CD109: variants seen among roughly 807,000 people sequenced by gnomAD.
CD109 encodes CD109 molecule.
Under a neutral mutation model 165.8 loss-of-function variants are expected in CD109, and 149 were observed. The ratio of observed to expected loss-of-function variants is 0.90; its 90% CI spans 0.79 to 1.03. The LOEUF (loss-of-function observed/expected upper bound fraction) is 1.03, where lower values mean the gene tolerates loss of function less well. Among genes scored for constraint, CD109 ranks in the 50% least tolerant of loss-of-function variants. The probability of loss-of-function intolerance (pLI) is 0.00; values close to 1 mark genes in which losing one functional copy is unlikely to be tolerated. For missense variants in CD109, 1,712 were observed against 1,677.8 expected (o/e 1.02, Z -0.36); for synonymous variants, 585 against 592.1 (o/e 0.99, Z 0.18).
Position 73,709,873 on chromosome 6 carries a change from C to T in CD109, c.247+12301C>T, listed in dbSNP as rs541908981. Among the ~76,000 whole-genome samples the T allele has an allele frequency of 3.9e-5, 6 of 152,214 alleles. No homozygotes were observed. In the South Asian group the frequency reaches 8.3e-4, roughly 21 times the overall value. The stretch of plus-strand genomic sequence containing the variant: ...TTATCTCAACAGATGCAGAAAAGGC[C>T]TTTGACAAAATTCAACAGCGCTTCA... On this transcript the variant is annotated intron_variant, in intron 2 of 32. Transcript: ENST00000287097.
chr6:73,781,836 C>CACACACACACACACACA (rs386359122), intron 17 of CD109, among the ~76,000 whole-genome samples: 21 of 62,150 alleles, frequency 3.4e-4, no homozygotes, highest in African/African-American at 6.4e-4. Flanking sequence ...CACACACACA[C>CACACACACACACACACA]CCCTCATCAA....
At position 73,811,079 on chromosome 6, in the gene CD109, C is replaced by T. The variant is rs766942062; in HGVS notation, c.3634C>T (p.Pro1212Ser). 3.7e-6 allele frequency: 6 copies of T among 1,613,454 alleles called. No homozygotes were observed. The Admixed American group carries it at 1.0e-4, about 27-fold the overall frequency. The change falls in exon 28 of 33, where the codon CCT becomes TCT. Residue 1212 changes from proline (P) to serine (S), a missense_variant. By Grantham distance (74) the Pro-to-Ser change is moderately conservative. Coordinates refer to ENST00000287097, the MANE Select transcript of CD109 (RefSeq NM_133493.5). ...AAATATCCAAGTGACCGTGACGGGG[C>T]CTAGCTCACCAAGTCCTGTAAAGTT... ...RTNIQVTVTG[P>S]SSPSPVKFLI...
chr6:73,740,603 C>CT (rs776790429), intron 5 of CD109, among the ~76,000 whole-genome samples: 176 of 111,896 alleles, frequency 1.6e-3, no homozygotes, highest in African/African-American at 2.7e-3. Flanking sequence ...TTCTTTCTTT[C>CT]TTTTTTTTTT....
chr6:73,824,124 G>C lies in CD109; in HGVS notation c.*491G>C, dbSNP rs1776200825. On this transcript the variant is annotated 3_prime_UTR_variant, in exon 33 of 33. Coordinates refer to ENST00000287097, the MANE Select transcript of CD109 (RefSeq NM_133493.5). ...ACCCCAACCCACCCCATGCCCAGTG[G>C]TCTCAGTAGATACTTCTTAACTGGA... The C allele has an allele frequency of 6.8e-6, 1 of 147,668 alleles. No individual in the cohort carries two copies. The highest frequency in any genetic ancestry group is 1.5e-5 in the Non-Finnish European group (1 of 67,084). The allele number at this position is 147,668 out of a possible 1,614,324, so 9.1% of individuals were successfully genotyped here.
At chr6:73,759,588 A>G (rs1283151791) in intron 7 of CD109, among the ~76,000 whole-genome samples, 2 of 152,246 alleles carry the variant, frequency 1.3e-5, no homozygotes, top group East Asian at 1.9e-4. Flanking sequence ...CACAATTATT[A>G]TAACCAGCTT....
chr6:73,694,748 G>A (rs529924938), upstream of CD109: 4 of 152,346 alleles, frequency 2.6e-5, no homozygotes, highest in East Asian at 5.8e-4. Context: ...GAGAAGCACT[G>A]AGTTAGACCT....
In CD109 at chr6:73,810,058, G is replaced by C; in HGVS notation, c.3430G>C (p.Val1144Leu). ...GCAGCCACGCTCCCTGGATATTGAA[G>C]TTGCAGCCTATGCACTGCTCTCACA... ...SWQPRSLDIE[V>L]AAYALLSHFL... The change falls in exon 27 of 33, where the codon GTT becomes CTT. Residue 1144 changes from valine (V) to leucine (L), a missense_variant. Coordinates refer to ENST00000287097, the MANE Select transcript of CD109 (RefSeq NM_133493.5). 6.2e-7 allele frequency: 1 copy of C among 1,607,530 alleles called. No individual in the cohort carries two copies. The highest frequency in any genetic ancestry group is 8.5e-7 in the Non-Finnish European group (1 of 1,177,976).
upstream of CD109, among the ~76,000 whole-genome samples, chr6:73,691,393 T>G (rs1056270128): frequency 4.9e-4 from 74 of 152,104 alleles, no homozygotes; most frequent in Non-Finnish European, 1.5e-4. Flanking sequence ...TGGTTTAGAG[T>G]GCTAGGCAGT....
In CD109 at chr6:73,730,346, A is replaced by G. The variant is rs1772315318; in HGVS notation, c.279A>G (p.Leu93=). ...GTGTGATCTCTTTTTCCCCCCAGCT[A>G]CCTCTGAACAGTGCAGATGAGATTT... The part of the protein sequence containing the change: ...GSFKTLTLPS[L]PLNSADEIYE... The change falls in exon 4 of 33, where the codon CTA becomes CTG. Residue 93 remains leucine (L), a splice_region_variant and synonymous_variant. Coordinates refer to ENST00000287097, the MANE Select transcript of CD109 (RefSeq NM_133493.5). The G allele has an allele frequency of 1.3e-6, 2 of 1,591,514 alleles. No homozygotes were observed. Among genetic ancestry groups the G allele is most frequent in the Non-Finnish European group, 1.7e-6 (2 of 1,164,714 alleles).
chr6:73,816,085 A>G (rs1243522001), intron 30 of CD109, among the ~76,000 whole-genome samples: 2 of 152,076 alleles, frequency 1.3e-5, no homozygotes, highest in African/African-American at 4.8e-5. Context: ...TATTGCCTGG[A>G]CCCAGTCTCC....
At chr6:73,799,427 C>T (rs4708087) in intron 23 of CD109, among the ~76,000 whole-genome samples, 82,211 of 152,008 alleles carry the variant, frequency 0.54, 22,736 homozygotes, top group African/African-American at 0.65. Context: ...AAGAAATACC[C>T]GAGTCTGGGT....
At chr6:73,680,397 T>C in the CD109 span, among the ~76,000 whole-genome samples, 3 of 152,172 alleles carry the variant, frequency 2.0e-5, 1 homozygote, top group Admixed American at 2.0e-4. Context: ...CTTAAAAATA[T>C]TTAAGAGTGG....
intron 5 of CD109, among the ~76,000 whole-genome samples, chr6:73,747,076 A>C (rs1371841712): frequency 6.6e-6 from 1 of 152,158 alleles, no homozygotes; most frequent in Non-Finnish European, 1.5e-5. Flanking sequence ...TTTTAGAGGA[A>C]AGGTCCTATT....
chr6:73,767,120 A>G, intron 13 of CD109, 110 bp downstream of exon 13: 2 of 853,502 alleles, frequency 2.3e-6, no homozygotes, highest in Admixed American at 2.4e-5. Context: ...AACTCATGTC[A>G]TGGGGGTTTG....
At chr6:73,712,294 A>C (rs1198450974) in intron 2 of CD109, among the ~76,000 whole-genome samples, 1 of 152,276 alleles carries the variant, frequency 6.6e-6, no homozygotes, top group African/African-American at 2.4e-5. Context: ...TCTGTTGATC[A>C]AAGAAACTGC....
intron 5 of CD109, among the ~76,000 whole-genome samples, chr6:73,749,496 G>A (rs1472584307): frequency 6.6e-6 from 1 of 152,154 alleles, no homozygotes. Flanking sequence ...GAAAGGTGGG[G>A]AAGTTTGTGG....
chr6:73,795,195 G>A (rs896977052), intron 23 of CD109, among the ~76,000 whole-genome samples: 5 of 145,104 alleles, frequency 3.4e-5, no homozygotes, highest in Admixed American at 7.1e-5. Context: ...CATTCTTTGG[G>A]ATAGTTTAAT....
intron 2 of CD109, among the ~76,000 whole-genome samples, chr6:73,702,944 C>T (rs1357920961): frequency 6.6e-6 from 1 of 152,188 alleles, no homozygotes; most frequent in East Asian, 1.9e-4. Context: ...ATAAAAGACA[C>T]ATCCCTAGGA....
At chr6:73,819,321 A>G (rs1776036995) in intron 31 of CD109, among the ~76,000 whole-genome samples, 1 of 152,212 alleles carries the variant, frequency 6.6e-6, no homozygotes, top group Admixed American at 6.5e-5. Context: ...CTGAATGAGT[A>G]CTACTGATTC....
Sources: gnomAD v4.1 joint callset for allele counts (sites outside exome capture counted in the v4.1 genomes callset) on GRCh38, gnomAD v4.1.1 for gene constraint, MANE v1.5 for transcripts, NCBI Gene and HGNC (gene_info 2026-07-23, HGNC 2026-07-21) for gene names.